The following MRPL1 variants were observed in gnomAD, a reference collection of about 807,000 sequenced individuals.
MRPL1 encodes the protein large ribosomal subunit protein uL1m.
A neutral mutation model predicts 38.0 loss-of-function variants in MRPL1; 28 were observed. The ratio of observed to expected loss-of-function variants is 0.74; its 90% CI spans 0.55 to 1.01. MRPL1 has a LOEUF of 1.01. Among genes scored for constraint, MRPL1 ranks in the 50% least tolerant of loss-of-function variants. The probability of loss-of-function intolerance (pLI) is 0.00; values close to 1 mark genes in which losing one functional copy is unlikely to be tolerated. For missense variants in MRPL1, 358 were observed against 389.8 expected, an observed-to-expected ratio of 0.92 and a Z score of 0.69; for synonymous variants, 123 against 126.7, an observed-to-expected ratio of 0.97 and a Z score of 0.20.
chr4:77,883,376 C>G lies in MRPL1; in HGVS notation c.278C>G (p.Pro93Arg), dbSNP rs116571938. The change falls in exon 3 of 9, where the codon CCG becomes CGG. Residue 93 changes from proline (P) to arginine (R), a missense_variant. Pro to Arg is a moderately radical substitution (Grantham distance 103). Coordinates refer to ENST00000315567, the MANE Select transcript of MRPL1 (RefSeq NM_020236.4). ...GATGTCTATTTAAAACGCTTATACCCGAGACAGATATATGAGGTGGAGAAA... is the reference window on the plus strand; with the variant it reads ...GATGTCTATTTAAAACGCTTATACCGGAGACAGATATATGAGGTGGAGAAA... ...EDDVYLKRLYPRQIYEVEKAV... is the reference protein window; with the variant it reads ...EDDVYLKRLYRRQIYEVEKAV... 338 of 1,613,708 alleles carry G rather than the reference C, an allele frequency of 2.1e-4. No homozygotes were observed. In the African/African-American group the frequency reaches 2.6e-3, roughly 13 times the overall value.
chr4:77,911,123 A>G (rs1401678612), intron 7 of MRPL1, among the ~76,000 whole-genome samples: 1 of 152,206 alleles, frequency 6.6e-6, no homozygotes, highest in South Asian at 2.1e-4. Context: ...AATGTGTATA[A>G]TAGTACTTCT....
chr4:77,902,433 C>T lies in MRPL1; in HGVS notation c.671-6833C>T, dbSNP rs111739235. ...GAGTTAGAAAAGAATGGGTTAAAAT[C>T]ATTGTTCTAAGATTTTTATCTTATA... On this transcript the variant is annotated intron_variant, in intron 6 of 8. Coordinates refer to ENST00000315567, the MANE Select transcript of MRPL1 (RefSeq NM_020236.4). Among the ~76,000 whole-genome samples, 423 of 142,182 alleles carry T rather than the reference C, an allele frequency of 3.0e-3. 3 individuals carry two copies. Among genetic ancestry groups the T allele is most frequent in the Middle Eastern group, 0.016 (4 of 254 alleles). 93.3% of individuals were successfully genotyped at this position (142,182 alleles called of 152,430 possible). A position where few individuals can be genotyped will look rare whatever the true frequency, so the allele number is the denominator to read the frequency against.
chr4:77,945,664 A>ATTT lies in MRPL1; in HGVS notation c.778-4131_778-4129dup, dbSNP rs564412030. Among the ~76,000 whole-genome samples the ATTT allele has an allele frequency of 2.3e-3, 357 of 152,184 alleles. 3 individuals are homozygous for ATTT. Among genetic ancestry groups the ATTT allele is most frequent in the African/African-American group, 7.9e-3 (329 of 41,498 alleles). On this transcript the variant is annotated intron_variant, in intron 7 of 8. Coordinates refer to ENST00000315567, the MANE Select transcript of MRPL1 (RefSeq NM_020236.4). ...AGAAATAAAGAGTATAAAGAGAGGA[A>ATTT]TTTTACAGCTGGGTCTCTGGGGGTG...
intron 7 of MRPL1, among the ~76,000 whole-genome samples, chr4:77,916,308 A>G (rs907610461): frequency 6.6e-6 from 1 of 152,210 alleles, no homozygotes; most frequent in African/African-American, 2.4e-5. Flanking sequence ...TTAAATTCAA[A>G]TAATTCACAA....
intron 7 of MRPL1, among the ~76,000 whole-genome samples, chr4:77,934,061 A>C (rs1736907728): frequency 6.6e-6 from 1 of 152,256 alleles, no homozygotes; most frequent in Admixed American, 6.5e-5. Flanking sequence ...CAATAAAAAA[A>C]GGTATGAGCT....
At chr4:77,909,062 A>T (rs1218753601) in intron 6 of MRPL1, among the ~76,000 whole-genome samples, 1 of 152,220 alleles carries the variant, frequency 6.6e-6, no homozygotes, top group Non-Finnish European at 1.5e-5. Context: ...ACACATGATT[A>T]TTCTGTCTCT....
chr4:77,904,258 A>G (rs1560466536), intron 6 of MRPL1, among the ~76,000 whole-genome samples: 2 of 151,682 alleles, frequency 1.3e-5, no homozygotes, highest in Admixed American at 1.3e-4. Flanking sequence ...AAAAAAAAAA[A>G]GGAGAAAAAG....
At chr4:77,875,048 A>C (rs1396813721) in intron 2 of MRPL1, among the ~76,000 whole-genome samples, 3 of 151,794 alleles carry the variant, frequency 2.0e-5, no homozygotes, top group Non-Finnish European at 4.4e-5. Context: ...TTGGCCTCCC[A>C]AAGTGCTGGG....
intron 6 of MRPL1, among the ~76,000 whole-genome samples, chr4:77,907,556 C>A (rs978047441): frequency 1.4e-5 from 2 of 143,346 alleles, no homozygotes; most frequent in Non-Finnish European, 1.5e-5. Flanking sequence ...GCCTCCCTCC[C>A]TTTCTTTCTC....
intron 7 of MRPL1, among the ~76,000 whole-genome samples, chr4:77,949,590 A>G (rs1737359738): frequency 6.6e-6 from 1 of 152,136 alleles, no homozygotes; most frequent in South Asian, 2.1e-4. Flanking sequence ...GTTTGCTATA[A>G]TATGTTCTAT....
chr4:77,864,732 A>T (rs1735087664), intron 1 of MRPL1: 1 of 152,162 alleles, frequency 6.6e-6, no homozygotes, highest in South Asian at 2.1e-4. Context: ...GAATGCTTCA[A>T]CAATATGAAA....
At chr4:77,887,357 C>T (rs2110237407) in intron 5 of MRPL1, 66 bp downstream of exon 5, 2 of 1,265,018 alleles carry the variant, frequency 1.6e-6, no homozygotes, top group Non-Finnish European at 2.3e-6. Context: ...ATTCATTGAT[C>T]TGTTATATGT....
At chr4:77,900,095 A>C (rs1014325018) in intron 6 of MRPL1, among the ~76,000 whole-genome samples, 1 of 152,222 alleles carries the variant, frequency 6.6e-6, no homozygotes. Context: ...AGCTGGGTAC[A>C]TAACATATGA....
At chr4:77,891,352 T>G (rs541647809) in intron 5 of MRPL1, among the ~76,000 whole-genome samples, 4 of 151,152 alleles carry the variant, frequency 2.6e-5, no homozygotes, top group East Asian at 1.9e-4. Flanking sequence ...TTTTTTTGTT[T>G]TTTTTTTTTT....
chr4:77,866,199 A>G (rs534284798), intron 1 of MRPL1, among the ~76,000 whole-genome samples: 1 of 152,038 alleles, frequency 6.6e-6, no homozygotes, highest in Non-Finnish European at 1.5e-5. Context: ...TTACAGGCAC[A>G]TGCCACTGGG....
At chr4:77,890,635 G>A (rs545941339) in intron 5 of MRPL1, among the ~76,000 whole-genome samples, 1 of 152,282 alleles carries the variant, frequency 6.6e-6, no homozygotes, top group East Asian at 1.9e-4. Context: ...TCTGGCCAGG[G>A]CAATCAGGCA....
intron 6 of MRPL1, among the ~76,000 whole-genome samples, chr4:77,896,774 C>A (rs539430233): frequency 6.6e-6 from 1 of 151,974 alleles, no homozygotes; most frequent in Admixed American, 6.6e-5. Context: ...CAGTTTTATT[C>A]GTTTTATTTT....
At position 77,952,661 on chromosome 4, in the gene MRPL1, G is replaced by T. The variant is rs1737437672; in HGVS notation, c.*54G>T. The T allele has an allele frequency of 5.5e-6, 6 of 1,091,600 alleles. No individual in the cohort carries two copies. The South Asian group carries it at 8.1e-5, about 15-fold the overall frequency. 67.6% of individuals were successfully genotyped at this position (1,091,600 alleles called of 1,614,324 possible). A position where few individuals can be genotyped will look rare whatever the true frequency, so the allele number is the denominator to read the frequency against. ...TGGTTTAAGAAGCAATGGAGAAAATGATAATACAGCATAATTTTTACATTT... is the reference window on the plus strand; with the variant it reads ...TGGTTTAAGAAGCAATGGAGAAAATTATAATACAGCATAATTTTTACATTT... On this transcript the variant is annotated 3_prime_UTR_variant, in exon 9 of 9. Transcript: ENST00000315567.
At chr4:77,873,844 T>C (rs188528220) in intron 2 of MRPL1, among the ~76,000 whole-genome samples, 85 of 152,328 alleles carry the variant, frequency 5.6e-4, no homozygotes, top group African/African-American at 2.0e-3. Flanking sequence ...ATAAAAGATA[T>C]TCATGGTAAG....
Sources: gnomAD v4.1 joint callset for allele counts (sites outside exome capture counted in the v4.1 genomes callset) on GRCh38, gnomAD v4.1.1 for gene constraint, MANE v1.5 for transcripts, NCBI Gene and HGNC (gene_info 2026-07-23, HGNC 2026-07-21) for gene names.